The following NRXN3 variants were observed in gnomAD, a reference collection of about 807,000 sequenced individuals.
NRXN3 encodes neurexin 3.
A neutral mutation model predicts 137.6 loss-of-function variants in NRXN3; 32 were observed. The observed-to-expected ratio is 0.23, with a 90% confidence interval of 0.18 to 0.31. The LOEUF (loss-of-function observed/expected upper bound fraction) is 0.31, where lower values mean the gene tolerates loss of function less well. Ranked by LOEUF, NRXN3 falls within the 10% of genes least tolerant of loss-of-function variation. The pLI, the probability that NRXN3 is intolerant of heterozygous loss-of-function variation, is 1.00. For missense variants in NRXN3, 1,574 were observed against 2,062.5 expected (o/e 0.76, Z 4.59); for synonymous variants, 798 against 784.5 (o/e 1.02, Z -0.29).
chr14:78,527,684 G>A (rs997106982), intron 4 of NRXN3, among the ~76,000 whole-genome samples: 1 of 152,166 alleles, frequency 6.6e-6, no homozygotes, highest in Admixed American at 6.5e-5. Flanking sequence ...TGGTGAGTGG[G>A]AGGCAAATAG....
chr14:78,239,300 GT>G, intron 1 of NRXN3, among the ~76,000 whole-genome samples: 1 of 152,294 alleles, frequency 6.6e-6, no homozygotes, highest in East Asian at 1.9e-4. Context: ...AAGTAAACTT[GT>G]CCCCCACTAG....
intron 1 of NRXN3, among the ~76,000 whole-genome samples, chr14:78,201,985 A>G (rs2061726437): frequency 6.6e-6 from 1 of 152,232 alleles, no homozygotes; most frequent in Non-Finnish European, 1.5e-5. Flanking sequence ...ATTGAATCTA[A>G]GGTCCATTTC....
rs185251985 is a variant in NRXN3 at position 79,668,991 on chromosome 14, A to G, written c.3616+5042A>G. ...ACTTTAAAGGATTAAAAACAAGTCT[A>G]TGTACTTGACATGATGCTGAAATTT... is the stretch of plus-strand genomic sequence containing the variant. On this transcript the variant is annotated intron_variant, in intron 17 of 20. Coordinates refer to ENST00000335750, the MANE Select transcript of NRXN3 (RefSeq NM_001330195.2). Among the ~76,000 whole-genome samples the G allele has an allele frequency of 3.5e-3, 534 of 152,216 alleles. 2 individuals carry two copies. Among genetic ancestry groups the G allele is most frequent in the African/African-American group, 0.012 (517 of 41,562 alleles).
chr14:78,986,108 T>C (rs891499843), intron 14 of NRXN3, among the ~76,000 whole-genome samples: 1 of 152,224 alleles, frequency 6.6e-6, no homozygotes, highest in East Asian at 1.9e-4. Context: ...TGCATCTCTT[T>C]TGAACATGCG....
chr14:79,513,117 T>A (rs1468124038), intron 16 of NRXN3, among the ~76,000 whole-genome samples: 3 of 152,220 alleles, frequency 2.0e-5, no homozygotes. Flanking sequence ...AAGGATGGTG[T>A]ATGTAGAAGA....
At chr14:79,348,044 G>T (rs1424486204) in intron 15 of NRXN3, among the ~76,000 whole-genome samples, 5 of 151,800 alleles carry the variant, frequency 3.3e-5, no homozygotes, top group Admixed American at 3.3e-4. Flanking sequence ...TAACCTTTGT[G>T]CTTCCTTTTT....
At chr14:79,275,944 G>A (rs1408028736) in intron 15 of NRXN3, among the ~76,000 whole-genome samples, 3 of 152,136 alleles carry the variant, frequency 2.0e-5, no homozygotes, top group Non-Finnish European at 2.9e-5. Context: ...AAATCTGGGT[G>A]AGCATAGTGT....
At chr14:78,382,663 C>T (rs576883350) in intron 4 of NRXN3, among the ~76,000 whole-genome samples, 1 of 152,256 alleles carries the variant, frequency 6.6e-6, no homozygotes, top group South Asian at 2.1e-4. Context: ...CTTGCAGATC[C>T]CGCTATCCAT....
intron 15 of NRXN3, among the ~76,000 whole-genome samples, chr14:79,015,080 T>C (rs1395461392): frequency 1.3e-5 from 2 of 152,144 alleles, no homozygotes; most frequent in Admixed American, 1.3e-4. Flanking sequence ...TCCCCATCTC[T>C]TGGTGACAGA....
intron 10 of NRXN3, among the ~76,000 whole-genome samples, chr14:78,940,938 G>A (rs951811279): frequency 2.4e-4 from 36 of 152,312 alleles, no homozygotes; most frequent in African/African-American, 8.7e-4. Context: ...CTAGGATTAT[G>A]ATTCAGTAGG....
intron 15 of NRXN3, among the ~76,000 whole-genome samples, chr14:79,107,345 G>C (rs1032442207): frequency 6.6e-6 from 1 of 152,102 alleles, no homozygotes; most frequent in Non-Finnish European, 1.5e-5. Flanking sequence ...ATGAGTATGT[G>C]AACTTTGAGG....
At chr14:78,757,495 G>C (rs1306807472) in intron 8 of NRXN3, among the ~76,000 whole-genome samples, 1 of 152,070 alleles carries the variant, frequency 6.6e-6, no homozygotes, top group African/African-American at 2.4e-5. Context: ...GTTAGGAAAG[G>C]CTAGGCCTCA....
chr14:79,506,615 T>C (rs2096881033), intron 16 of NRXN3, among the ~76,000 whole-genome samples: 1 of 152,204 alleles, frequency 6.6e-6, no homozygotes, highest in Non-Finnish European at 1.5e-5. Context: ...TTGTCTTTCC[T>C]AGCTCCCTTT....
intron 4 of NRXN3, among the ~76,000 whole-genome samples, chr14:78,391,319 G>C (rs1255590339): frequency 6.6e-6 from 1 of 152,146 alleles, no homozygotes; most frequent in Non-Finnish European, 1.5e-5. Context: ...TGTTTACTAA[G>C]AAGGTTAATT....
At chr14:78,523,816 CAAAAAAAAAAAAAA>C (rs56083130) in intron 4 of NRXN3, among the ~76,000 whole-genome samples, 11 of 61,602 alleles carry the variant, frequency 1.8e-4, no homozygotes, top group East Asian at 4.6e-4. Context: ...GACTCTGTCT[CAAAAAAAAAAAAAA>C]AAAAAAAAAA....
intron 4 of NRXN3, among the ~76,000 whole-genome samples, chr14:78,482,409 A>C (rs2095488000): frequency 6.6e-6 from 1 of 152,164 alleles, no homozygotes; most frequent in South Asian, 2.1e-4. Context: ...AAATATTGTC[A>C]AACTAGATCA....
At chr14:78,846,102 A>G (rs1252125591) in intron 10 of NRXN3, among the ~76,000 whole-genome samples, 2 of 152,080 alleles carry the variant, frequency 1.3e-5, no homozygotes, top group African/African-American at 4.8e-5. Context: ...GTACTCATAA[A>G]CATCCTATCT....
intron 15 of NRXN3, among the ~76,000 whole-genome samples, chr14:79,331,571 A>G (rs1187788570): frequency 1.3e-5 from 2 of 152,216 alleles, no homozygotes. Flanking sequence ...AATGATATTG[A>G]AATTTTCATT....
intron 15 of NRXN3, among the ~76,000 whole-genome samples, chr14:79,367,091 C>G (rs983275736): frequency 6.9e-6 from 1 of 144,950 alleles, no homozygotes; most frequent in Non-Finnish European, 1.5e-5. Flanking sequence ...TCATGCCTTT[C>G]TCCTGCCTCA....
Sources: allele counts gnomAD v4.1 joint callset (sites outside exome capture counted in the v4.1 genomes callset), GRCh38; gene constraint gnomAD v4.1.1; transcripts MANE v1.5; gene names NCBI Gene and HGNC (gene_info 2026-07-23, HGNC 2026-07-21).